Variants in CKMT2 observed in about 807,000 individuals in gnomAD.
The protein encoded by CKMT2 is creatine kinase S-type, mitochondrial.
In CKMT2, 43 loss-of-function variants were observed where a neutral mutation model predicts 48.9. The observed-to-expected ratio is 0.88, with a 90% CI of 0.69 to 1.13. The LOEUF (loss-of-function observed/expected upper bound fraction) is 1.13. Ranked by LOEUF, CKMT2 falls within the 50% of genes most tolerant of loss-of-function variation. CKMT2 has a pLI of 0.00. For synonymous variants in CKMT2, 206 were observed against 213.0 expected, an observed-to-expected ratio of 0.97 and a Z score of 0.29; for missense variants, 472 against 555.4, an observed-to-expected ratio of 0.85 and a Z score of 1.51.
rs1325274470 is a variant in CKMT2, at chr5:81,259,235, G to A, written c.995G>A (p.Arg332Lys). The A allele has an allele frequency of 1.9e-6, 3 of 1,614,028 alleles. No individual in the cohort carries two copies. The highest frequency in any genetic ancestry group is 2.5e-6 in the Non-Finnish European group (3 of 1,179,948). ...GGACTACGAGCTGGTGTCCACGTTA[G>A]GATCCCAAAGCTCAGCAAGGTACTG... ...GTGLRAGVHV[R>K]IPKLSKDPRF... is the part of the protein sequence containing the mutation. Residue 332 changes from arginine to lysine, a missense_variant, in exon 8 of 10, where the codon AGG (arginine) becomes AAG (lysine). Physicochemically the swap from Arg to Lys is conservative, Grantham distance 26. Transcript: ENST00000254035.
intron 2 of CKMT2, chr5:81,252,185 G>A (rs1178088093): frequency 5.8e-6 from 1 of 171,832 alleles, no homozygotes; most frequent in African/African-American, 2.4e-5. Context: ...AGCAGAGTTT[G>A]AGTGGCATGC....
chr5:81,252,147 C>T (rs1756838708), intron 2 of CKMT2: 1 of 160,560 alleles, frequency 6.2e-6, no homozygotes, highest in Non-Finnish European at 1.4e-5. Context: ...CCCTTGGAAC[C>T]CTGCCATGGA....
chr5:81,241,768 C>T (rs529708137), intron 1 of CKMT2, among the ~76,000 whole-genome samples: 3 of 152,356 alleles, frequency 2.0e-5, no homozygotes, highest in East Asian at 3.9e-4. Context: ...TCTTTGCAAT[C>T]TCCTTAGCAG....
At chr5:81,236,812 T>C (rs778121286) in intron 1 of CKMT2, among the ~76,000 whole-genome samples, 19 of 152,222 alleles carry the variant, frequency 1.2e-4, no homozygotes, top group Non-Finnish European at 1.9e-4. Context: ...TCTGAAAGTA[T>C]GTGATAGACA....
chr5:81,247,581 T>A (rs1308591302), intron 1 of CKMT2, among the ~76,000 whole-genome samples: 1 of 152,222 alleles, frequency 6.6e-6, no homozygotes, highest in Non-Finnish European at 1.5e-5. Flanking sequence ...GAGATTTAGT[T>A]TAGTCATGAG....
At chr5:81,247,241 C>T (rs946736973) in intron 1 of CKMT2, among the ~76,000 whole-genome samples, 1 of 152,172 alleles carries the variant, frequency 6.6e-6, no homozygotes, top group Non-Finnish European at 1.5e-5. Context: ...TTGCAATGAG[C>T]CTGAGATTTC....
intron 3 of CKMT2, among the ~76,000 whole-genome samples, chr5:81,253,382 A>G (rs190768461): frequency 1.3e-5 from 2 of 152,256 alleles, no homozygotes; most frequent in African/African-American, 4.8e-5. Context: ...AGCCCAGACT[A>G]CTGAATTCAC....
At chr5:81,242,305 T>C in intron 1 of CKMT2, 1 of 336,358 alleles carries the variant, frequency 3.0e-6, no homozygotes, top group Non-Finnish European at 5.7e-6. Flanking sequence ...TTTGTGGGCT[T>C]TTTTTTTGTG....
At chr5:81,254,886 C>T in intron 4 of CKMT2, 107 bp from the exon 5 acceptor site, 2 of 923,076 alleles carry the variant, frequency 2.2e-6, no homozygotes, top group Non-Finnish European at 3.5e-6. Flanking sequence ...GTGCACAGTG[C>T]CTGAGGGTCC....
rs746142996 is a variant in CKMT2, at chr5:81,266,181, G to A, written c.1183G>A (p.Val395Met). The change falls in exon 10 of 10, where the codon GTG (valine) becomes ATG (methionine). Residue 395 changes from valine (V) to methionine (M), a missense_variant. By Grantham distance (21) the Val-to-Met change is conservative. Transcript: ENST00000254035. ...QIVIDGVNYL[V>M]DCEKKLERGQ... The stretch of plus-strand genomic sequence containing the variant: ...AGTCATCGATGGAGTCAATTACCTG[G>A]TGGATTGTGAAAAGAAGTTGGAGAG... 1.2e-6 allele frequency: 2 copies of A among 1,612,928 alleles called. No homozygotes were observed. The highest frequency in any genetic ancestry group is 8.5e-7 in the Non-Finnish European group (1 of 1,178,972).
At chr5:81,261,478 A>C (rs1285670408) in intron 8 of CKMT2, among the ~76,000 whole-genome samples, 1 of 152,156 alleles carries the variant, frequency 6.6e-6, no homozygotes, top group Non-Finnish European at 1.5e-5. Context: ...CCAAAATCTT[A>C]AGTTGATAAG....
chr5:81,235,363 C>T (rs1230941219), intron 1 of CKMT2, among the ~76,000 whole-genome samples: 1 of 152,184 alleles, frequency 6.6e-6, no homozygotes, highest in Admixed American at 6.5e-5. Context: ...AGCCTGGCAT[C>T]GTGAGAATTT....
At chr5:81,263,360 A>G in intron 8 of CKMT2, 131 bp from the exon 9 acceptor site, 1 of 222,770 alleles carries the variant, frequency 4.5e-6, no homozygotes, top group Non-Finnish European at 8.0e-6. Context: ...TATTATAAAT[A>G]TATATATTTA....
chr5:81,253,246 T>C (rs1443036675), intron 3 of CKMT2, among the ~76,000 whole-genome samples: 5 of 152,216 alleles, frequency 3.3e-5, no homozygotes, highest in Non-Finnish European at 5.9e-5. Context: ...GATGTGTTTG[T>C]GGCTGAGCTT....
chr5:81,249,898 C>T (rs1436978357), intron 1 of CKMT2, among the ~76,000 whole-genome samples: 1 of 152,208 alleles, frequency 6.6e-6, no homozygotes, highest in East Asian at 1.9e-4. Context: ...TTCTTTCTGA[C>T]TGCTCTTCAC....
rs1336407882 is a variant in CKMT2 at position 81,263,472 on chromosome 5, T to A, written c.1015-19T>A. ...AATTTTGCCTCTTAGCACATTTAAG[T>A]ATTATCCCTTTGTCCTAGGACCCAC... On this transcript the variant is annotated intron_variant, in intron 8 of 9. Coordinates refer to ENST00000254035, the MANE Select transcript of CKMT2 (RefSeq NM_001099735.2). 6.3e-7 allele frequency: 1 copy of A among 1,585,150 alleles called. No individual in the cohort carries two copies. The highest frequency in any genetic ancestry group is 2.3e-5 in the East Asian group (1 of 44,022).
chr5:81,233,481 A>G (rs1197163985), intron 1 of CKMT2, 104 bp downstream of exon 1: 1 of 826,430 alleles, frequency 1.2e-6, no homozygotes, highest in Non-Finnish European at 1.5e-6. Context: ...GTAGACGGGG[A>G]CCCCGTTAGG....
At chr5:81,246,284 C>G (rs998240662) in intron 1 of CKMT2, among the ~76,000 whole-genome samples, 1 of 151,784 alleles carries the variant, frequency 6.6e-6, no homozygotes, top group African/African-American at 2.4e-5. Flanking sequence ...TCCCCTACAC[C>G]CTGCCCGTCC....
intron 1 of CKMT2, among the ~76,000 whole-genome samples, chr5:81,247,569 GAGAGATTTAGTTTAGTCATGAGGAAA>G (rs1347799076): frequency 6.6e-6 from 1 of 152,244 alleles, no homozygotes; most frequent in Non-Finnish European, 1.5e-5. Context: ...TAACATGCAA[GAGAGATTTAGTTTAGTCATGAGGAAA>G]AGTGATTTCA....
Sources: gnomAD v4.1 joint callset for allele counts (sites outside exome capture counted in the v4.1 genomes callset) on GRCh38, gnomAD v4.1.1 for gene constraint, MANE v1.5 for transcripts, NCBI Gene and HGNC (gene_info 2026-07-23, HGNC 2026-07-21) for gene names.